PAN3: variants seen among roughly 807,000 people sequenced by gnomAD.
PAN3 encodes the protein poly(A) specific ribonuclease subunit PAN3, also known as PAN2-PAN3 deadenylation complex subunit PAN3.
In PAN3, 19 loss-of-function variants were observed where a neutral mutation model predicts 96.2. The observed-to-expected ratio is 0.20, with a 90% CI of 0.14 to 0.29. The LOEUF (loss-of-function observed/expected upper bound fraction) is 0.29. Among genes scored for constraint, PAN3 ranks in the 10% least tolerant of loss-of-function variants. The pLI is 1.00. For synonymous variants in PAN3, 433 were observed against 406.6 expected, an observed-to-expected ratio of 1.06 and a Z score of -0.78; for missense variants, 882 against 1,108.1, an observed-to-expected ratio of 0.80 and a Z score of 2.90.
chr13:28,282,617 A>G (rs1455938395), intron 17 of PAN3, among the ~76,000 whole-genome samples: 1 of 152,236 alleles, frequency 6.6e-6, no homozygotes, highest in Non-Finnish European at 1.5e-5. Flanking sequence ...ACACATGCAC[A>G]CATGAGTTGA....
At chr13:28,154,067 C>T (rs907307896) in intron 1 of PAN3, among the ~76,000 whole-genome samples, 6 of 152,118 alleles carry the variant, frequency 3.9e-5, no homozygotes, top group Admixed American at 1.3e-4. Flanking sequence ...GGATATTTTT[C>T]GGTGAGTATT....
chr13:28,218,481 T>C (rs1040146123), intron 5 of PAN3, among the ~76,000 whole-genome samples: 18 of 152,162 alleles, frequency 1.2e-4, no homozygotes, highest in Non-Finnish European at 2.2e-4. Flanking sequence ...TAATTCAGAT[T>C]CATTGTTGAG....
rs375870943 is a variant in PAN3 at position 28,190,089 on chromosome 13, G to A, written c.691-7096G>A. ...CTCCAGAGTAGCTGGGATTATAGGCGCGTACCACCACGCCTGGCTAATTTT... is the reference window on the plus strand; with the variant it reads ...CTCCAGAGTAGCTGGGATTATAGGCACGTACCACCACGCCTGGCTAATTTT... On this transcript the variant is annotated intron_variant, in intron 4 of 18. Coordinates refer to ENST00000380958, the MANE Select transcript of PAN3 (RefSeq NM_175854.8). Among the ~76,000 whole-genome samples the A allele has an allele frequency of 5.0e-4, 76 of 152,150 alleles. 1 individual carries two copies. In the East Asian group the frequency reaches 0.013, roughly 26 times the overall value.
Position 28,227,481 on chromosome 13 carries a change from C to T in PAN3, c.1000+7103C>T, listed in dbSNP as rs1882123845. Among the ~76,000 whole-genome samples the T allele has an allele frequency of 4.6e-5, 7 of 152,122 alleles. No individual in the cohort carries two copies. The South Asian group carries it at 1.2e-3, about 27-fold the overall frequency. On this transcript the variant is annotated intron_variant, in intron 6 of 18. Coordinates refer to ENST00000380958, the MANE Select transcript of PAN3 (RefSeq NM_175854.8). Reference sequence around the variant, plus strand: ...AGCTGCAGCAAAGTCTCTTGCTGCTCTTGGACTGCTTTCAGTGTATTATGA... The same window carrying T: ...AGCTGCAGCAAAGTCTCTTGCTGCTTTTGGACTGCTTTCAGTGTATTATGA...
intron 10 of PAN3, 40 bp downstream of exon 10, chr13:28,266,916 T>C (rs1327495969): frequency 1.3e-6 from 2 of 1,482,708 alleles, no homozygotes; most frequent in Non-Finnish European, 1.8e-6. Flanking sequence ...ATCGTATCAT[T>C]GAGGCTAAGA....
chr13:28,187,806 T>C (rs948145222), intron 4 of PAN3, among the ~76,000 whole-genome samples: 4 of 152,166 alleles, frequency 2.6e-5, no homozygotes, highest in African/African-American at 9.7e-5. Flanking sequence ...GATCCTCCTG[T>C]CTCATCTACC....
At position 28,292,537 on chromosome 13, in the gene PAN3, G is replaced by T; in HGVS notation, c.*15G>T. ...GTCAGTTGTAGTATTTGCTAAAAAAGCACGCAGGACATGGCTAAAGACCTT... is the reference window on the plus strand; with the variant it reads ...GTCAGTTGTAGTATTTGCTAAAAAATCACGCAGGACATGGCTAAAGACCTT... On this transcript the variant is annotated 3_prime_UTR_variant, in exon 19 of 19. Coordinates refer to ENST00000380958, the MANE Select transcript of PAN3 (RefSeq NM_175854.8). 1 of 1,600,298 alleles carries T rather than the reference G, an allele frequency of 6.2e-7. No homozygotes were observed. The highest frequency in any genetic ancestry group is 8.5e-7 in the Non-Finnish European group (1 of 1,174,752).
At chr13:28,162,377 T>G (rs1872982621) in intron 1 of PAN3, among the ~76,000 whole-genome samples, 1 of 152,138 alleles carries the variant, frequency 6.6e-6, no homozygotes, top group Non-Finnish European at 1.5e-5. Flanking sequence ...GGTCTCAGTT[T>G]CCTCATTGGA....
At chr13:28,146,253 A>T (rs1870614840) in intron 1 of PAN3, among the ~76,000 whole-genome samples, 1 of 151,718 alleles carries the variant, frequency 6.6e-6, no homozygotes, top group South Asian at 2.1e-4. Flanking sequence ...ATTAAAATAT[A>T]TGTATACCAT....
intron 17 of PAN3, among the ~76,000 whole-genome samples, chr13:28,284,132 G>T (rs1439351437): frequency 1.3e-5 from 2 of 152,216 alleles, no homozygotes; most frequent in African/African-American, 4.8e-5. Flanking sequence ...TGTAATTCGT[G>T]AGACTGCCTC....
chr13:28,241,635 T>C (rs1010679277), intron 6 of PAN3, among the ~76,000 whole-genome samples: 4 of 152,138 alleles, frequency 2.6e-5, no homozygotes, highest in Non-Finnish European at 5.9e-5. Flanking sequence ...GAAGAGACTT[T>C]ATTAATTCTT....
At chr13:28,161,684 G>A (rs1231026479) in intron 1 of PAN3, among the ~76,000 whole-genome samples, 1 of 152,216 alleles carries the variant, frequency 6.6e-6, no homozygotes, top group Admixed American at 6.5e-5. Context: ...GTTAGGTAGA[G>A]AATTGAGAAT....
At chr13:28,184,243 T>C (rs1427065212) in intron 4 of PAN3, among the ~76,000 whole-genome samples, 1 of 151,982 alleles carries the variant, frequency 6.6e-6, no homozygotes, top group African/African-American at 2.4e-5. Context: ...TCCGTATTTG[T>C]TCCAGATAAT....
At chr13:28,215,855 CA>C in intron 5 of PAN3, 2 of 1,384,238 alleles carry the variant, frequency 1.4e-6, no homozygotes, top group Non-Finnish European at 2.0e-6. Context: ...CTGGAGCTGG[CA>C]AGGTCACCAG....
In PAN3 at chr13:28,141,003, C is replaced by CTTTTTTTTTTTT. The variant is rs979248659; in HGVS notation, c.430+1924_430+1935dup. Among the ~76,000 whole-genome samples the CTTTTTTTTTTTT allele has an allele frequency of 1.5e-4, 17 of 112,902 alleles. 1 individual carries two copies. Among genetic ancestry groups the CTTTTTTTTTTTT allele is most frequent in the East Asian group, 3.1e-4 (1 of 3,218 alleles). 74.1% of individuals were successfully genotyped at this position (112,902 alleles called of 152,430 possible). On this transcript the variant is annotated intron_variant, in intron 1 of 18. Transcript: ENST00000380958. ...GTTTTCTTACTGACAGAAAGAGACA[C>CTTTTTTTTTTTT]TTTTTTTTTTTTTTTTTTTGAGACG...
chr13:28,223,172 A>G (rs560405942), intron 6 of PAN3, among the ~76,000 whole-genome samples: 10 of 152,352 alleles, frequency 6.6e-5, no homozygotes, highest in African/African-American at 2.4e-4. Flanking sequence ...TGTTTTTGGT[A>G]TATGTCTCAA....
At chr13:28,252,166 G>A (rs183215821) in intron 6 of PAN3, among the ~76,000 whole-genome samples, 81 of 145,498 alleles carry the variant, frequency 5.6e-4, no homozygotes, top group African/African-American at 1.7e-3. Context: ...GGGATTATAT[G>A]TGTGAGCCAC....
At chr13:28,228,259 C>G (rs1882204187) in intron 6 of PAN3, among the ~76,000 whole-genome samples, 1 of 152,140 alleles carries the variant, frequency 6.6e-6, no homozygotes. Context: ...TTTGATTCTT[C>G]TCAGCTTGAC....
intron 12 of PAN3, among the ~76,000 whole-genome samples, chr13:28,268,472 A>G (rs951442298): frequency 6.6e-6 from 1 of 152,142 alleles, no homozygotes; most frequent in African/African-American, 2.4e-5. Context: ...TCCCTTTCTA[A>G]TATATACTTA....
Sources: gnomAD v4.1 joint callset for allele counts (sites outside exome capture counted in the v4.1 genomes callset) on GRCh38, gnomAD v4.1.1 for gene constraint, MANE v1.5 for transcripts, NCBI Gene and HGNC (gene_info 2026-07-23, HGNC 2026-07-21) for gene names.